Variants in VRK2 observed in about 807,000 individuals in gnomAD.
The protein encoded by VRK2 is serine/threonine-protein kinase VRK2.
Under a neutral mutation model 57.6 loss-of-function variants are expected in VRK2, and 60 were observed. The ratio of observed to expected loss-of-function variants is 1.04; its 90% CI spans 0.85 to 1.29. VRK2 has a LOEUF of 1.29. Ranked by LOEUF, VRK2 falls within the 50% of genes most tolerant of loss-of-function variation. VRK2 has a pLI of 0.00. For synonymous variants in VRK2, 231 were observed against 199.2 expected, an observed-to-expected ratio of 1.16 and a Z score of -1.35; for missense variants, 705 against 588.1, an observed-to-expected ratio of 1.20 and a Z score of -2.06.
intron 9 of VRK2, among the ~76,000 whole-genome samples, chr2:58,133,883 G>GA (rs562650394): frequency 4.4e-4 from 66 of 151,498 alleles, no homozygotes; most frequent in Non-Finnish European, 5.5e-4. Flanking sequence ...TTGTTTTTGA[G>GA]AAAAAAAATC....
intron 1 of VRK2, among the ~76,000 whole-genome samples, chr2:57,932,282 C>A (rs554848662): frequency 6.6e-6 from 1 of 152,040 alleles, no homozygotes; most frequent in Non-Finnish European, 1.5e-5. Context: ...TGGTATTTCT[C>A]TTTAGATGTC....
At chr2:58,158,962 G>T (rs1684527388) in intron 12 of VRK2, among the ~76,000 whole-genome samples, 1 of 152,078 alleles carries the variant, frequency 6.6e-6, no homozygotes, top group South Asian at 2.1e-4. Flanking sequence ...GGTAAAGAAA[G>T]AATCACATTA....
intron 1 of VRK2, among the ~76,000 whole-genome samples, chr2:57,972,849 A>G (rs1050354435): frequency 1.3e-5 from 2 of 151,830 alleles, no homozygotes; most frequent in Non-Finnish European, 2.9e-5. Flanking sequence ...TTCCATATGT[A>G]TGTATAAAAA....
chr2:57,949,060 G>A (rs114579662), intron 1 of VRK2, among the ~76,000 whole-genome samples: 2,113 of 151,228 alleles, frequency 0.014, 80 homozygotes, highest in African/African-American at 0.049. Flanking sequence ...CATTAAGTTG[G>A]GAGTGGTGGT....
In VRK2 at chr2:58,036,453, T is replaced by C. The variant is rs567184361; in HGVS notation, c.-6+2900T>C. On this transcript the variant is annotated intron_variant, in intron 3 of 15. Coordinates refer to the VRK2 transcript ENST00000417641. ...GAAATAACACAAATGAATTTTTCTT[T>C]GTTGTAATAGGTAAAAAGTACCATA... Among the ~76,000 whole-genome samples, 48 of 152,172 alleles carry C rather than the reference T, an allele frequency of 3.2e-4. 2 individuals carry two copies. In the South Asian group the frequency reaches 7.7e-3, roughly 24 times the overall value.
At position 58,053,151 on chromosome 2, in the gene VRK2, A is replaced by G. The variant is rs770163603; in HGVS notation, c.136+4184A>G. 7.7e-4 allele frequency among the ~76,000 whole-genome samples: 117 copies of G among 152,212 alleles called. 2 individuals are homozygous for G. The highest frequency in any genetic ancestry group is 2.5e-4 in the Non-Finnish European group (17 of 68,030). On this transcript the variant is annotated intron_variant, in intron 2 of 12. Coordinates refer to ENST00000340157, the MANE Select transcript of VRK2 (RefSeq NM_006296.7). ...AATTATAGATGTCACTCTTCGATCTACTGCAGATTAGTATCCTTAGTCACC... is the reference window on the plus strand; with the variant it reads ...AATTATAGATGTCACTCTTCGATCTGCTGCAGATTAGTATCCTTAGTCACC...
At chr2:58,027,168 C>A (rs1424694110) in intron 2 of VRK2, among the ~76,000 whole-genome samples, 1 of 152,022 alleles carries the variant, frequency 6.6e-6, no homozygotes, top group African/African-American at 2.4e-5. Flanking sequence ...TCCTAATAAT[C>A]TAGTGTTCCA....
intron 1 of VRK2, among the ~76,000 whole-genome samples, chr2:57,911,670 A>G (rs955119814): frequency 1.3e-5 from 2 of 152,246 alleles, no homozygotes; most frequent in African/African-American, 4.8e-5. Context: ...ATTCATGTGC[A>G]TCAATGGAGC....
intron 1 of VRK2, among the ~76,000 whole-genome samples, chr2:58,003,134 C>G (rs893478958): frequency 2.0e-5 from 3 of 152,082 alleles, no homozygotes; most frequent in African/African-American, 7.2e-5. Context: ...ATAAACTAAG[C>G]TTTACAATAA....
At chr2:58,036,567 C>T (rs1240454310) in intron 3 of VRK2, among the ~76,000 whole-genome samples, 1 of 151,874 alleles carries the variant, frequency 6.6e-6, no homozygotes, top group African/African-American at 2.4e-5. Context: ...ATGGTATATG[C>T]CTTCCACAAC....
rs548751539 is a variant in VRK2 at position 58,125,640 on chromosome 2, G to A, written c.676+2407G>A. Among the ~76,000 whole-genome samples the A allele has an allele frequency of 3.9e-5, 6 of 151,998 alleles. No individual in the cohort carries two copies. In the South Asian group the frequency reaches 1.2e-3, roughly 32 times the overall value. On this transcript the variant is annotated intron_variant, in intron 8 of 12. Transcript: ENST00000340157. ...TTTACCAGATTCTTATAAAATAGTA[G>A]ATTTCCTTAATGCATTTTAAATAGG...
chr2:58,156,589 T>C (rs932790627), intron 12 of VRK2, among the ~76,000 whole-genome samples: 7 of 115,194 alleles, frequency 6.1e-5, no homozygotes, highest in Non-Finnish European at 9.4e-5. Context: ...GTTTTTTTTG[T>C]TTTGTTTTGT....
intron 9 of VRK2, among the ~76,000 whole-genome samples, chr2:58,132,953 T>C (rs1679431509): frequency 6.6e-6 from 1 of 152,212 alleles, no homozygotes; most frequent in African/African-American, 2.4e-5. Flanking sequence ...GATTGATGTG[T>C]CCATATTAAC....
intron 7 of VRK2, among the ~76,000 whole-genome samples, chr2:58,116,660 C>T (rs1027375270): frequency 3.9e-5 from 6 of 152,094 alleles, no homozygotes; most frequent in East Asian, 3.9e-4. Flanking sequence ...ATGGGGCTTC[C>T]GAGGCAATCA....
At chr2:58,072,219 A>G (rs1669450651) in intron 2 of VRK2, among the ~76,000 whole-genome samples, 2 of 151,942 alleles carry the variant, frequency 1.3e-5, no homozygotes, top group African/African-American at 4.8e-5. Flanking sequence ...TATGTGAACA[A>G]AGATGGTTTT....
intron 1 of VRK2, among the ~76,000 whole-genome samples, chr2:57,958,106 C>G (rs1197649678): frequency 6.6e-6 from 1 of 152,006 alleles, no homozygotes; most frequent in African/African-American, 2.4e-5. Flanking sequence ...GCCCTCTACC[C>G]CCATGTATTA....
chr2:58,093,879 A>C (rs1461852548), intron 7 of VRK2, among the ~76,000 whole-genome samples: 5 of 152,232 alleles, frequency 3.3e-5, no homozygotes, highest in Admixed American at 1.3e-4. Flanking sequence ...AGCTTCCTAC[A>C]TATGGCTAGC....
At chr2:58,155,921 GTT>G (rs5831489) in intron 12 of VRK2, among the ~76,000 whole-genome samples, 9 of 138,528 alleles carry the variant, frequency 6.5e-5, no homozygotes, top group South Asian at 2.1e-4. Flanking sequence ...TTTCATGTTT[GTT>G]TTTTTTTTTT....
intron 10 of VRK2, among the ~76,000 whole-genome samples, chr2:58,135,911 A>C (rs1033294132): frequency 2.0e-5 from 3 of 152,188 alleles, no homozygotes; most frequent in Non-Finnish European, 4.4e-5. Flanking sequence ...GCCAGTGCCC[A>C]CTATCAGTCT....
Sources: allele counts gnomAD v4.1 joint callset (sites outside exome capture counted in the v4.1 genomes callset), GRCh38; gene constraint gnomAD v4.1.1; transcripts MANE v1.5; gene names NCBI Gene and HGNC (gene_info 2026-07-23, HGNC 2026-07-21).